The following NBEAL1 variants were observed in gnomAD, a reference collection of about 807,000 sequenced individuals.
NBEAL1 encodes neurobeachin-like protein 1.
In NBEAL1, 273 loss-of-function variants were observed where a neutral mutation model predicts 351.3. The ratio of observed to expected loss-of-function variants is 0.78; its 90% CI spans 0.70 to 0.86. NBEAL1 has a LOEUF of 0.86. Among genes scored for constraint, NBEAL1 ranks in the 40% least tolerant of loss-of-function variants. The pLI is 0.00. For missense variants in NBEAL1, 2,961 were observed against 3,201.3 expected (o/e 0.92, Z 1.81); for synonymous variants, 1,050 against 1,086.4 (o/e 0.97, Z 0.66).
intron 36 of NBEAL1, among the ~76,000 whole-genome samples, chr2:203,161,326 C>CA (rs1174377516): frequency 0.013 from 823 of 64,640 alleles, 8 homozygotes; most frequent in South Asian, 0.036. Flanking sequence ...GACTCCATCT[C>CA]AAAAAAAAAA....
chr2:203,049,717 C>A (rs889234334), intron 3 of NBEAL1, 97 bp from the exon 4 acceptor site: 3 of 1,060,448 alleles, frequency 2.8e-6, no homozygotes, highest in Non-Finnish European at 4.0e-6. Context: ...AAAAGAGCTT[C>A]TTTAGGATTT....
chr2:203,126,510 A>G, intron 21 of NBEAL1, 47 bp from the exon 22 acceptor site: 7 of 1,296,026 alleles, frequency 5.4e-6, no homozygotes, highest in Non-Finnish European at 7.1e-6. Flanking sequence ...ACTTAATGAC[A>G]GTTATTTAAA....
chr2:203,136,545 G>A, intron 28 of NBEAL1, 54 bp from the exon 29 acceptor site: 1 of 1,291,576 alleles, frequency 7.7e-7, no homozygotes, highest in Non-Finnish European at 1.1e-6. Context: ...CTTATGATGT[G>A]CTTTGAACAA....
At chr2:203,025,471 A>G (rs1216021200) in intron 2 of NBEAL1, among the ~76,000 whole-genome samples, 4 of 152,220 alleles carry the variant, frequency 2.6e-5, no homozygotes, top group Admixed American at 6.5e-5. Context: ...CATTTGCTAC[A>G]GCTTTTTTTT....
chr2:203,133,101 A>T lies in NBEAL1; in HGVS notation c.3768A>T (p.Ile1256=). 6.6e-7 allele frequency: 1 copy of T among 1,521,984 alleles called. No homozygotes were observed. Among genetic ancestry groups the T allele is most frequent in the Non-Finnish European group, 8.9e-7 (1 of 1,125,618 alleles). The allele number at this position is 1,521,984 out of a possible 1,614,324, so 94.3% of individuals were successfully genotyped here. ...NFKDLLSVVY[I]SHRAHINVRV... ...AAGATCTACTATCTGTGGTATATAT[A>T]TCTCACAGAGCACATATAAATGTTA... Residue 1256 remains isoleucine (I), a synonymous_variant, in exon 27 of 56, where the codon ATA becomes ATT. Coordinates refer to ENST00000683969, the MANE Select transcript of NBEAL1 (RefSeq NM_001378026.1).
intron 6 of NBEAL1, among the ~76,000 whole-genome samples, chr2:203,057,838 T>G (rs2106096644): frequency 6.7e-6 from 1 of 149,838 alleles, no homozygotes; most frequent in East Asian, 1.9e-4. Flanking sequence ...TTTTTTTTTT[T>G]GTTTTTTTGT....
At chr2:203,120,167 T>C (rs1457405645) in intron 18 of NBEAL1, among the ~76,000 whole-genome samples, 1 of 152,220 alleles carries the variant, frequency 6.6e-6, no homozygotes, top group Admixed American at 6.5e-5. Context: ...GTTAACAATA[T>C]GTTAAGCACT....
chr2:203,114,236 A>ATTTTTT (rs2062639492), intron 17 of NBEAL1, among the ~76,000 whole-genome samples: 1 of 152,242 alleles, frequency 6.6e-6, no homozygotes, highest in East Asian at 1.9e-4. Flanking sequence ...CACATTGGGG[A>ATTTTTT]TTATGGCTTT....
Position 203,222,351 on chromosome 2 carries a change from T to G in NBEAL1, c.*4997T>G, listed in dbSNP as rs2065962045. ...GCTTGATATTCTTGGTATTAAAAAA[T>G]TATGTCTGAGGATTATTATGTTATA... On this transcript the variant is annotated 3_prime_UTR_variant, in exon 56 of 56. Transcript: ENST00000683969. Among the ~76,000 whole-genome samples, 3 of 152,302 alleles carry G rather than the reference T, an allele frequency of 2.0e-5. No homozygotes were observed. The South Asian group carries it at 6.2e-4, about 32-fold the overall frequency.
intron 36 of NBEAL1, 117 bp downstream of exon 36, chr2:203,157,942 AT>A: frequency 1.3e-6 from 1 of 747,444 alleles, no homozygotes. Flanking sequence ...TTAATGCTGT[AT>A]CAGCTGTTAG....
chr2:203,213,141 G>A (rs1294698443), intron 54 of NBEAL1, among the ~76,000 whole-genome samples: 1 of 152,110 alleles, frequency 6.6e-6, no homozygotes, highest in Non-Finnish European at 1.5e-5. Flanking sequence ...GATAAATGAT[G>A]AATGTAATAA....
At chr2:203,100,236 A>G (rs2062284419) in intron 12 of NBEAL1, among the ~76,000 whole-genome samples, 1 of 152,188 alleles carries the variant, frequency 6.6e-6, no homozygotes, top group Admixed American at 6.6e-5. Context: ...TTATGGTAGA[A>G]CAATTTATAT....
chr2:203,053,009 T>G (rs1049885062), intron 4 of NBEAL1, among the ~76,000 whole-genome samples: 2 of 152,158 alleles, frequency 1.3e-5, no homozygotes, highest in Non-Finnish European at 2.9e-5. Context: ...TACTTCCAGT[T>G]TTTGGAAGTT....
chr2:203,079,253 A>G (rs971568973), intron 8 of NBEAL1, among the ~76,000 whole-genome samples: 3 of 151,944 alleles, frequency 2.0e-5, no homozygotes, highest in African/African-American at 7.3e-5. Context: ...TAATTTTTGT[A>G]TTTTTGTATT....
intron 54 of NBEAL1, among the ~76,000 whole-genome samples, chr2:203,211,789 A>G (rs1227096735): frequency 1.3e-5 from 2 of 152,220 alleles, no homozygotes; most frequent in Non-Finnish European, 2.9e-5. Context: ...GAGTATATTT[A>G]ACATATTTAA....
chr2:203,132,298 C>T lies in NBEAL1; in HGVS notation c.3724+166C>T, dbSNP rs1026120733. Among the ~76,000 whole-genome samples, 92 of 152,058 alleles carry T rather than the reference C, an allele frequency of 6.1e-4. 6 individuals are homozygous for T. Among genetic ancestry groups the T allele is most frequent in the Admixed American group, 2.0e-4 (3 of 15,276 alleles). ...TTTTGTTGTTTTTGTCTCCCCGGGG[C>T]GTAGCACAGTTCCTTACTCAGTAAA... On this transcript the variant is annotated intron_variant, in intron 26 of 55. Coordinates refer to ENST00000683969, the MANE Select transcript of NBEAL1 (RefSeq NM_001378026.1).
rs1208813279 is a variant in NBEAL1 at position 203,122,360 on chromosome 2, T to C, written c.2682+17T>C. On this transcript the variant is annotated intron_variant, in intron 19 of 55. Coordinates refer to ENST00000683969, the MANE Select transcript of NBEAL1 (RefSeq NM_001378026.1). ...GACATTAAGGTAAATTAATAGTAAA[T>C]GTTGGGCAACATCTTACATAATTTA... 9.1e-6 allele frequency: 13 copies of C among 1,431,960 alleles called. No homozygotes were observed. The highest frequency in any genetic ancestry group is 2.2e-5 in the Admixed American group (1 of 44,622). The allele number at this position is 1,431,960 out of a possible 1,614,324, so 88.7% of individuals were successfully genotyped here. A position where few individuals can be genotyped will look rare whatever the true frequency, so the allele number is the denominator to read the frequency against.
intron 25 of NBEAL1, among the ~76,000 whole-genome samples, chr2:203,131,511 C>G (rs2063072280): frequency 6.6e-6 from 1 of 152,166 alleles, no homozygotes; most frequent in Non-Finnish European, 1.5e-5. Context: ...CCACTGTGCC[C>G]AGTCCAGTTT....
intron 2 of NBEAL1, among the ~76,000 whole-genome samples, chr2:203,027,835 C>T (rs2060884069): frequency 1.3e-5 from 2 of 152,058 alleles, no homozygotes; most frequent in Non-Finnish European, 2.9e-5. Flanking sequence ...TTTCACCCTT[C>T]CAAGCAGCTA....
Sources: gnomAD v4.1 joint callset for allele counts (sites outside exome capture counted in the v4.1 genomes callset) on GRCh38, gnomAD v4.1.1 for gene constraint, MANE v1.5 for transcripts, NCBI Gene and HGNC (gene_info 2026-07-23, HGNC 2026-07-21) for gene names.